The following CAMK1D variants were observed in gnomAD, a reference collection of about 807,000 sequenced individuals.
CAMK1D encodes calcium/calmodulin dependent protein kinase ID.
A neutral mutation model predicts 47.7 loss-of-function variants in CAMK1D; 9 were observed. That is an observed-to-expected ratio of 0.19 (90% confidence interval 0.11 to 0.33). The LOEUF (loss-of-function observed/expected upper bound fraction) is 0.33, where lower values mean the gene tolerates loss of function less well. Among genes scored for constraint, CAMK1D ranks in the 10% least tolerant of loss-of-function variants. CAMK1D has a pLI of 1.00. For synonymous variants in CAMK1D, 184 were observed against 184.9 expected (o/e 0.99, Z 0.04); for missense variants, 291 against 488.7 (o/e 0.60, Z 3.81).
At chr10:12,546,075 G>A (rs1170858771) in intron 1 of CAMK1D, among the ~76,000 whole-genome samples, 5 of 152,176 alleles carry the variant, frequency 3.3e-5, no homozygotes, top group Non-Finnish European at 7.3e-5. Flanking sequence ...CACGGGTAAC[G>A]TGCAAAGGGA....
intron 1 of CAMK1D, among the ~76,000 whole-genome samples, chr10:12,406,772 A>G (rs1301324415): frequency 1.4e-5 from 2 of 140,642 alleles, no homozygotes; most frequent in African/African-American, 5.3e-5. Context: ...TGAACTCTGT[A>G]AAGTCATGCG....
At chr10:12,439,326 G>A (rs1242758592) in intron 1 of CAMK1D, among the ~76,000 whole-genome samples, 3 of 152,204 alleles carry the variant, frequency 2.0e-5, no homozygotes, top group South Asian at 4.1e-4. Flanking sequence ...ATCTGTGGGG[G>A]CATTTATTGA....
chr10:12,742,291 C>T (rs892540248), intron 3 of CAMK1D, among the ~76,000 whole-genome samples: 3 of 152,292 alleles, frequency 2.0e-5, no homozygotes, highest in Non-Finnish European at 2.9e-5. Flanking sequence ...TGTGCCACCA[C>T]GCCCAGCTAA....
Position 12,611,588 on chromosome 10 carries a change from C to CTTTTTTTTTTTTTTTTTTTTTTTTTTTT in CAMK1D, c.225-55127_225-55126insTTTTTTTTTTTTTTTTTTTTTTTTTTTT, listed in dbSNP as rs71386105. Among the ~76,000 whole-genome samples the CTTTTTTTTTTTTTTTTTTTTTTTTTTTT allele has an allele frequency of 1.5e-4, 9 of 59,950 alleles. 2 individuals are homozygous for CTTTTTTTTTTTTTTTTTTTTTTTTTTTT. Among genetic ancestry groups the CTTTTTTTTTTTTTTTTTTTTTTTTTTTT allele is most frequent in the Non-Finnish European group, 3.0e-4 (9 of 30,388 alleles). 39.3% of individuals were successfully genotyped at this position (59,950 alleles called of 152,430 possible). On this transcript the variant is annotated intron_variant, in intron 2 of 10. Transcript: ENST00000619168. ...CAGTTCCCTGAATGTTTCAGAATGC[C>CTTTTTTTTTTTTTTTTTTTTTTTTTTTT]TTTTTTTTTTTTTTTTTTTTTGAGA...
chr10:12,814,350 C>G lies in CAMK1D; in HGVS notation c.754+43C>G, dbSNP rs749507848. ...AGCTCCCAGTGGGCGGCCCCCGCGA[C>G]ACTTACACCCAGACCACGTGACCCT... On this transcript the variant is annotated intron_variant, in intron 7 of 10. Coordinates refer to ENST00000619168, the MANE Select transcript of CAMK1D (RefSeq NM_153498.4). 5.6e-6 allele frequency: 7 copies of G among 1,260,294 alleles called. No individual in the cohort carries two copies. The South Asian group carries it at 8.4e-5, about 15-fold the overall frequency. The allele number at this position is 1,260,294 out of a possible 1,614,324, so 78.1% of individuals were successfully genotyped here. A position where few individuals can be genotyped will look rare whatever the true frequency, so the allele number is the denominator to read the frequency against.
intron 2 of CAMK1D, among the ~76,000 whole-genome samples, chr10:12,562,241 A>G (rs1836966579): frequency 6.6e-6 from 1 of 151,844 alleles, no homozygotes; most frequent in South Asian, 2.1e-4. Flanking sequence ...TGAAGAGACC[A>G]CCCCCCCTTA....
chr10:12,592,922 C>T (rs1015506599), intron 2 of CAMK1D, among the ~76,000 whole-genome samples: 14 of 152,206 alleles, frequency 9.2e-5, no homozygotes, highest in Admixed American at 9.2e-4. Context: ...GCCTGGCTCC[C>T]TCCTCTTCAT....
intron 2 of CAMK1D, among the ~76,000 whole-genome samples, chr10:12,570,099 CTG>C (rs1394689374): frequency 6.6e-6 from 1 of 152,080 alleles, no homozygotes. Flanking sequence ...ACTCCGGAGG[CTG>C]AGGCAGGAGA....
At chr10:12,350,474 C>T (rs1837321601) in intron 1 of CAMK1D, among the ~76,000 whole-genome samples, 1 of 152,232 alleles carries the variant, frequency 6.6e-6, no homozygotes, top group Non-Finnish European at 1.5e-5. Flanking sequence ...TGGGCAGAGC[C>T]TCACCGGAGG....
At chr10:12,714,088 A>G (rs1834030580) in intron 3 of CAMK1D, among the ~76,000 whole-genome samples, 1 of 152,214 alleles carries the variant, frequency 6.6e-6, no homozygotes, top group Admixed American at 6.5e-5. Flanking sequence ...GCCACAGCCC[A>G]TGGTCACGGC....
chr10:12,623,689 A>C (rs1839117109), intron 2 of CAMK1D, among the ~76,000 whole-genome samples: 2 of 151,814 alleles, frequency 1.3e-5, no homozygotes, highest in Non-Finnish European at 2.9e-5. Flanking sequence ...GCTGAGTGAC[A>C]CACATTTTAC....
intron 1 of CAMK1D, among the ~76,000 whole-genome samples, chr10:12,551,693 A>T (rs1836587530): frequency 6.6e-6 from 1 of 151,942 alleles, no homozygotes; most frequent in Non-Finnish European, 1.5e-5. Context: ...AGCCGAGATC[A>T]CACCAGTGCA....
chr10:12,521,898 T>C (rs1027239581), intron 1 of CAMK1D, among the ~76,000 whole-genome samples: 44 of 152,148 alleles, frequency 2.9e-4, no homozygotes, highest in Non-Finnish European at 2.6e-4. Flanking sequence ...ATATTCATTT[T>C]TCTTTTGGTT....
chr10:12,811,180 G>T (rs1832589560), intron 6 of CAMK1D, among the ~76,000 whole-genome samples: 1 of 152,204 alleles, frequency 6.6e-6, no homozygotes, highest in Non-Finnish European at 1.5e-5. Context: ...TGCCTTTGAG[G>T]ACCCTTGGCG....
At chr10:12,578,177 C>T (rs1433462614) in intron 2 of CAMK1D, among the ~76,000 whole-genome samples, 1 of 152,086 alleles carries the variant, frequency 6.6e-6, no homozygotes, top group Non-Finnish European at 1.5e-5. Flanking sequence ...CGGGCCCAAG[C>T]GATCCTCTCA....
In CAMK1D at chr10:12,490,837, G is replaced by A. The variant is rs143601578; in HGVS notation, c.93-62388G>A. ...CCACAGAGAAATGGCAAATGTTTGC[G>A]CGTGATAGATATCCTAAATACGCTG... On this transcript the variant is annotated intron_variant, in intron 1 of 10. Coordinates refer to ENST00000619168, the MANE Select transcript of CAMK1D (RefSeq NM_153498.4). Among the ~76,000 whole-genome samples, 8 of 152,198 alleles carry A rather than the reference G, an allele frequency of 5.3e-5. No individual in the cohort carries two copies. The East Asian group carries it at 5.8e-4, about 11-fold the overall frequency.
At chr10:12,512,326 T>C (rs556464265) in intron 1 of CAMK1D, among the ~76,000 whole-genome samples, 9 of 152,328 alleles carry the variant, frequency 5.9e-5, no homozygotes, top group Admixed American at 5.9e-4. Flanking sequence ...TAGAAAACAC[T>C]ACCTTACGTT....
At chr10:12,611,697 T>G (rs1476627751) in intron 2 of CAMK1D, among the ~76,000 whole-genome samples, 1 of 143,062 alleles carries the variant, frequency 7.0e-6, no homozygotes, top group Admixed American at 7.5e-5. Context: ...GTTCAAGCAA[T>G]TCTCCTGCCT....
chr10:12,565,276 A>T (rs1029214489), intron 2 of CAMK1D, among the ~76,000 whole-genome samples: 1 of 147,098 alleles, frequency 6.8e-6, no homozygotes, highest in African/African-American at 2.5e-5. Flanking sequence ...TTTGAGATGG[A>T]GTCTCACCCT....
Sources: allele counts gnomAD v4.1 joint callset (sites outside exome capture counted in the v4.1 genomes callset), GRCh38; gene constraint gnomAD v4.1.1; transcripts MANE v1.5; gene names NCBI Gene and HGNC (gene_info 2026-07-23, HGNC 2026-07-21).